The following DPP10 variants were observed in gnomAD, a reference collection of about 807,000 sequenced individuals.
DPP10 encodes the protein inactive dipeptidyl peptidase 10.
In DPP10, 33 loss-of-function variants were observed where a neutral mutation model predicts 120.9. That is an observed-to-expected ratio of 0.27 (90% confidence interval 0.21 to 0.37). The LOEUF is 0.37. Among genes scored for constraint, DPP10 ranks in the 10% least tolerant of loss-of-function variants. DPP10 has a pLI of 1.00. For synonymous variants in DPP10, 337 were observed against 326.1 expected (o/e 1.03, Z -0.36); for missense variants, 816 against 942.8 (o/e 0.87, Z 1.76).
chr2:115,506,792 T>A (rs1318789250), intron 4 of DPP10, among the ~76,000 whole-genome samples: 1 of 152,144 alleles, frequency 6.6e-6, no homozygotes, highest in African/African-American at 2.4e-5. Flanking sequence ...TACTACCAGA[T>A]AATCAGTAAG....
At chr2:115,050,816 C>T (rs1559036114) in intron 1 of DPP10, among the ~76,000 whole-genome samples, 1 of 152,184 alleles carries the variant, frequency 6.6e-6, no homozygotes. Flanking sequence ...CACACAGAAG[C>T]CCATCTCAAA....
intron 1 of DPP10, among the ~76,000 whole-genome samples, chr2:115,147,659 G>T (rs753392972): frequency 2.0e-5 from 3 of 152,036 alleles, no homozygotes; most frequent in Admixed American, 6.6e-5. Flanking sequence ...TGGCAGAATG[G>T]TAGTGTGAGA....
intron 5 of DPP10, among the ~76,000 whole-genome samples, chr2:115,631,595 A>AT (rs1308854423): frequency 6.6e-6 from 1 of 152,176 alleles, no homozygotes; most frequent in Non-Finnish European, 1.5e-5. Context: ...CATCCCAGTG[A>AT]TTTTGATACA....
intron 1 of DPP10, among the ~76,000 whole-genome samples, chr2:114,452,365 G>A (rs1422253855): frequency 1.3e-5 from 2 of 152,064 alleles, no homozygotes; most frequent in African/African-American, 2.4e-5. Context: ...AGTGGTCGGG[G>A]GTGATCTCTC....
At chr2:115,671,006 A>C (rs2089832082) in intron 5 of DPP10, among the ~76,000 whole-genome samples, 1 of 152,138 alleles carries the variant, frequency 6.6e-6, no homozygotes, top group African/African-American at 2.4e-5. Flanking sequence ...TTCTAATATT[A>C]TACAAACCTC....
chr2:115,304,153 A>G (rs2061263571), intron 1 of DPP10, among the ~76,000 whole-genome samples: 1 of 152,050 alleles, frequency 6.6e-6, no homozygotes, highest in African/African-American at 2.4e-5. Flanking sequence ...GACAGTTCAA[A>G]CTTTTGAGCT....
At chr2:115,736,007 G>A (rs1676450053) in intron 8 of DPP10, among the ~76,000 whole-genome samples, 1 of 152,046 alleles carries the variant, frequency 6.6e-6, no homozygotes, top group Admixed American at 6.6e-5. Context: ...ACCCAGCTTA[G>A]TAACTGTGTT....
At chr2:115,407,687 C>A (rs895505823) in intron 3 of DPP10, among the ~76,000 whole-genome samples, 2 of 151,022 alleles carry the variant, frequency 1.3e-5, no homozygotes, top group Admixed American at 1.3e-4. Context: ...AAAAAAAATA[C>A]TTTTACCTTT....
rs187710423 is a variant in DPP10, at chr2:115,424,699, A to C, written c.272-74811A>C. On this transcript the variant is annotated intron_variant, in intron 3 of 25. Coordinates refer to ENST00000410059, the MANE Select transcript of DPP10 (RefSeq NM_020868.6). ...ATTGAGAACCTTAAAATGCATATGC[A>C]CACTCACTTGTACAATGGGATGATT... Among the ~76,000 whole-genome samples the C allele has an allele frequency of 2.0e-4, 30 of 152,258 alleles. No homozygotes were observed. The East Asian group carries it at 5.4e-3, about 27-fold the overall frequency.
At chr2:114,793,787 T>C (rs1290606517) in intron 1 of DPP10, among the ~76,000 whole-genome samples, 3 of 152,200 alleles carry the variant, frequency 2.0e-5, no homozygotes, top group Non-Finnish European at 4.4e-5. Context: ...TCTTATACCA[T>C]GTTGACCCCC....
At chr2:115,829,949 C>T (rs574021283) in intron 21 of DPP10, among the ~76,000 whole-genome samples, 3 of 152,040 alleles carry the variant, frequency 2.0e-5, no homozygotes, top group Admixed American at 1.3e-4. Flanking sequence ...ATCCTCAGGA[C>T]CTAACCTCAT....
intron 1 of DPP10, among the ~76,000 whole-genome samples, chr2:114,935,491 C>T (rs531709658): frequency 2.6e-4 from 40 of 152,250 alleles, no homozygotes; most frequent in African/African-American, 9.1e-4. Context: ...CAATTTTCAT[C>T]TATCAGAATT....
At chr2:114,459,019 A>G (rs924879626) in intron 1 of DPP10, among the ~76,000 whole-genome samples, 8 of 152,242 alleles carry the variant, frequency 5.3e-5, no homozygotes, top group Admixed American at 3.3e-4. Context: ...ATATTTTACT[A>G]TATTCCTAAC....
intron 1 of DPP10, among the ~76,000 whole-genome samples, chr2:114,581,285 G>A (rs529123445): frequency 2.2e-5 from 3 of 136,450 alleles, no homozygotes; most frequent in East Asian, 4.9e-4. Flanking sequence ...CTGGGTTCAC[G>A]CCATTCTCCT....
chr2:114,889,970 A>C (rs1035212887), intron 1 of DPP10, among the ~76,000 whole-genome samples: 2 of 152,254 alleles, frequency 1.3e-5, no homozygotes, highest in African/African-American at 4.8e-5. Context: ...AGAAGACTAG[A>C]TACAATTCCA....
chr2:114,792,527 G>A (rs941257898), intron 1 of DPP10, among the ~76,000 whole-genome samples: 9 of 152,176 alleles, frequency 5.9e-5, no homozygotes. Context: ...TGCAAGGTTG[G>A]CCCTTGGCTG....
At chr2:115,816,663 C>A (rs1269157566) in intron 21 of DPP10, among the ~76,000 whole-genome samples, 6 of 140,628 alleles carry the variant, frequency 4.3e-5, no homozygotes, top group Non-Finnish European at 9.0e-5. Context: ...TGTTGCCAGG[C>A]TGGAGTGCAG....
intron 1 of DPP10, among the ~76,000 whole-genome samples, chr2:114,756,571 C>A (rs767457030): frequency 6.6e-6 from 1 of 152,192 alleles, no homozygotes; most frequent in African/African-American, 2.4e-5. Flanking sequence ...TCTAGCTGCA[C>A]GTTAGAGTTA....
intron 3 of DPP10, among the ~76,000 whole-genome samples, chr2:115,437,990 A>G (rs1296831793): frequency 6.6e-6 from 1 of 151,988 alleles, no homozygotes; most frequent in African/African-American, 2.4e-5. Context: ...TCTGCTTTGT[A>G]TATTGAAAAT....
Sources: gnomAD v4.1 joint callset for allele counts (sites outside exome capture counted in the v4.1 genomes callset) on GRCh38, gnomAD v4.1.1 for gene constraint, MANE v1.5 for transcripts, NCBI Gene and HGNC (gene_info 2026-07-23, HGNC 2026-07-21) for gene names.